KCNQ5: variants seen among roughly 807,000 people sequenced by gnomAD.
KCNQ5 encodes the protein potassium voltage-gated channel subfamily KQT member 5.
In KCNQ5, 30 loss-of-function variants were observed where a neutral mutation model predicts 98.2. The observed-to-expected ratio is 0.31, with a 90% CI of 0.23 to 0.41. The LOEUF is 0.41. Among genes scored for constraint, KCNQ5 ranks in the 10% least tolerant of loss-of-function variants. The pLI is 1.00. For missense variants in KCNQ5, 835 were observed against 1,182.5 expected, an observed-to-expected ratio of 0.71 and a Z score of 4.31; for synonymous variants, 458 against 449.4, an observed-to-expected ratio of 1.02 and a Z score of -0.24.
intron 1 of KCNQ5, among the ~76,000 whole-genome samples, chr6:72,680,237 T>C (rs1767638016): frequency 6.6e-6 from 1 of 152,212 alleles, no homozygotes. Flanking sequence ...ATTTTTTATC[T>C]CTATGTATTT....
At chr6:72,987,541 C>T (rs1468879411) in intron 1 of KCNQ5, 1 of 659,334 alleles carries the variant, frequency 1.5e-6, no homozygotes. Flanking sequence ...CTCCAAGCCC[C>T]GCAGCACGAT....
chr6:72,915,315 G>A (rs1023981161), intron 1 of KCNQ5, among the ~76,000 whole-genome samples: 2 of 152,136 alleles, frequency 1.3e-5, no homozygotes, highest in East Asian at 3.9e-4. Flanking sequence ...ATTATAAAGG[G>A]TATATAGCTT....
At chr6:72,885,162 A>G (rs1345088529) in intron 1 of KCNQ5, among the ~76,000 whole-genome samples, 1 of 152,204 alleles carries the variant, frequency 6.6e-6, no homozygotes, top group Non-Finnish European at 1.5e-5. Flanking sequence ...AGCTTGTATT[A>G]TTTTTAATTT....
intron 1 of KCNQ5, among the ~76,000 whole-genome samples, chr6:72,656,361 A>G (rs1766194497): frequency 6.6e-6 from 1 of 152,194 alleles, no homozygotes; most frequent in South Asian, 2.1e-4. Context: ...CTCTAGGATC[A>G]GTCCTCAAAT....
chr6:72,807,767 G>A (rs977026912), intron 1 of KCNQ5, among the ~76,000 whole-genome samples: 16 of 152,056 alleles, frequency 1.1e-4, no homozygotes, highest in Non-Finnish European at 2.9e-5. Context: ...TCCCACCTAG[G>A]CCTCCTAAAG....
chr6:72,724,554 C>T (rs1235308971), intron 1 of KCNQ5, among the ~76,000 whole-genome samples: 2 of 152,068 alleles, frequency 1.3e-5, no homozygotes, highest in Non-Finnish European at 2.9e-5. Context: ...TTCTAGTAGC[C>T]CAGTGCCTTG....
chr6:72,649,339 T>A (rs1437342515), intron 1 of KCNQ5, among the ~76,000 whole-genome samples: 1 of 152,158 alleles, frequency 6.6e-6, no homozygotes, highest in Admixed American at 6.5e-5. Flanking sequence ...TTACATAAAT[T>A]TCCACAAGTT....
Position 73,185,189 on chromosome 6 carries a change from C to A in KCNQ5, c.1578-5384C>A, listed in dbSNP as rs866716207. 1.1e-4 allele frequency among the ~76,000 whole-genome samples: 17 copies of A among 152,076 alleles called. No individual in the cohort carries two copies. In the Middle Eastern group the frequency reaches 0.014, roughly 122 times the overall value. ...TAAAAATTTCTATGAAAGAAGTGAGCTTTTTTTGAGACAAGGTCCCACTCT... is the reference window on the plus strand; with the variant it reads ...TAAAAATTTCTATGAAAGAAGTGAGATTTTTTTGAGACAAGGTCCCACTCT... On this transcript the variant is annotated intron_variant, in intron 11 of 13. Coordinates refer to ENST00000370398, the MANE Select transcript of KCNQ5 (RefSeq NM_019842.4).
intron 1 of KCNQ5, among the ~76,000 whole-genome samples, chr6:72,670,208 C>T (rs1767030684): frequency 6.6e-6 from 1 of 152,124 alleles, no homozygotes; most frequent in Non-Finnish European, 1.5e-5. Context: ...CCATCTGGGC[C>T]CTCATCAGAA....
At chr6:72,821,388 T>C (rs867826983) in intron 1 of KCNQ5, among the ~76,000 whole-genome samples, 1 of 152,172 alleles carries the variant, frequency 6.6e-6, no homozygotes, top group African/African-American at 2.4e-5. Flanking sequence ...AGATATTACC[T>C]TTTTCCTTGA....
intron 1 of KCNQ5, among the ~76,000 whole-genome samples, chr6:72,785,440 G>A (rs1177798752): frequency 6.6e-6 from 1 of 152,084 alleles, no homozygotes; most frequent in Non-Finnish European, 1.5e-5. Flanking sequence ...CCTGAGGTCA[G>A]GAGTTTGAGA....
intron 1 of KCNQ5, among the ~76,000 whole-genome samples, chr6:72,928,399 T>A (rs1198634283): frequency 6.6e-6 from 1 of 152,080 alleles, no homozygotes; most frequent in Non-Finnish European, 1.5e-5. Context: ...TTCCTTACAA[T>A]GTGTTTCATA....
Position 72,720,514 on chromosome 6 carries a change from C to T in KCNQ5, c.398+97927C>T, listed in dbSNP as rs567559098. 2.6e-5 allele frequency among the ~76,000 whole-genome samples: 4 copies of T among 152,260 alleles called. No individual in the cohort carries two copies. In the East Asian group the frequency reaches 5.8e-4, roughly 22 times the overall value. ...GCTGTTTTCTTTTCCCTTGTTCCCA[C>T]AGATTCTAGATGGGGGTTTGACCTT... is the stretch of plus-strand genomic sequence containing the variant. On this transcript the variant is annotated intron_variant, in intron 1 of 13. Transcript: ENST00000370398.
At chr6:72,858,378 T>A (rs1464452664) in intron 1 of KCNQ5, among the ~76,000 whole-genome samples, 1 of 152,098 alleles carries the variant, frequency 6.6e-6, no homozygotes, top group Non-Finnish European at 1.5e-5. Context: ...TTTCTGTCAC[T>A]TCATACTCTT....
At chr6:73,048,017 A>G (rs867416280) in intron 3 of KCNQ5, among the ~76,000 whole-genome samples, 1 of 152,254 alleles carries the variant, frequency 6.6e-6, no homozygotes, top group African/African-American at 2.4e-5. Context: ...ATGTCCAAGC[A>G]TGCTTATGGA....
At chr6:73,002,027 G>A (rs984577256) in intron 1 of KCNQ5, among the ~76,000 whole-genome samples, 3 of 152,296 alleles carry the variant, frequency 2.0e-5, no homozygotes, top group South Asian at 2.1e-4. Context: ...GGAGGCTGAG[G>A]TGGGAGGATA....
intron 1 of KCNQ5, among the ~76,000 whole-genome samples, chr6:72,800,890 A>G (rs1025610404): frequency 6.6e-6 from 1 of 152,094 alleles, no homozygotes; most frequent in Non-Finnish European, 1.5e-5. Flanking sequence ...TGTACCCAGT[A>G]GTCATTCAGG....
At position 72,832,669 on chromosome 6, in the gene KCNQ5, G is replaced by A. The variant is rs75365244; in HGVS notation, c.399-171239G>A. On this transcript the variant is annotated intron_variant, in intron 1 of 13. Coordinates refer to ENST00000370398, the MANE Select transcript of KCNQ5 (RefSeq NM_019842.4). ...CAGAAATCCTTTCAGAACCAAATAC[G>A]CTCTCCCACAAGGGTCTCTAATTCT... Among the ~76,000 whole-genome samples the A allele has an allele frequency of 1.6e-4, 24 of 152,266 alleles. No individual in the cohort carries two copies. The East Asian group carries it at 4.2e-3, about 27-fold the overall frequency.
chr6:72,830,513 G>C (rs1416257286), intron 1 of KCNQ5, among the ~76,000 whole-genome samples: 2 of 152,116 alleles, frequency 1.3e-5, no homozygotes, highest in Non-Finnish European at 2.9e-5. Context: ...AATGGTGCTG[G>C]GAAAACTGGC....
Sources: allele counts gnomAD v4.1 joint callset (sites outside exome capture counted in the v4.1 genomes callset), GRCh38; gene constraint gnomAD v4.1.1; transcripts MANE v1.5; gene names NCBI Gene and HGNC (gene_info 2026-07-23, HGNC 2026-07-21).